ALOXE3: variants seen among roughly 807,000 people sequenced by gnomAD.
The protein encoded by ALOXE3 is arachidonate epidermal lipoxygenase 3.
A neutral mutation model predicts 87.5 loss-of-function variants in ALOXE3; 78 were observed. That is an observed-to-expected ratio of 0.89 (90% CI 0.74 to 1.08). The LOEUF is 1.08. ALOXE3 is among the 50% of genes least tolerant of loss of function. The pLI, the probability that ALOXE3 is intolerant of heterozygous loss-of-function variation, is 0.00. For synonymous variants in ALOXE3, 363 were observed against 370.8 expected, an observed-to-expected ratio of 0.98 and a Z score of 0.24; for missense variants, 946 against 912.4, an observed-to-expected ratio of 1.04 and a Z score of -0.47.
intron 15 of ALOXE3, among the ~76,000 whole-genome samples, chr17:8,102,589 T>C (rs1978994321): frequency 1.3e-5 from 2 of 152,194 alleles, no homozygotes. Flanking sequence ...CTATTTCCAT[T>C]TGTGATCCTA....
chr17:8,110,985 G>A (rs1029205944), intron 8 of ALOXE3, among the ~76,000 whole-genome samples: 2 of 152,194 alleles, frequency 1.3e-5, no homozygotes, highest in Admixed American at 1.3e-4. Flanking sequence ...CTAGTTCTCC[G>A]TGATCTTCCC....
rs373032935 is a variant in ALOXE3, at chr17:8,114,497, T to C, written c.667A>G (p.Asn223Asp). 5.6e-6 allele frequency: 9 copies of C among 1,613,484 alleles called. No individual in the cohort carries two copies. The African/African-American group carries it at 1.2e-4, about 22-fold the overall frequency. Reference sequence around the variant, plus strand: ...CAATGGCCTTACGCAGGGATGGCATTGAAGAGCAGCGAGATCGTCTTGGTG... The same window carrying C: ...CAATGGCCTTACGCAGGGATGGCATCGAAGAGCAGCGAGATCGTCTTGGTG... ...SATKTISLLF[N>D]AIPASLGMKL... The change falls in exon 6 of 16, where the codon AAT becomes GAT. Residue 223 changes from asparagine (N) to aspartate (D), a missense_variant. Physicochemically the swap from Asn to Asp is conservative, Grantham distance 23 (BLOSUM62 1). Transcript: ENST00000448843.
At chr17:8,114,830 G>A (rs780114963) in intron 5 of ALOXE3, 108 bp downstream of exon 5, 17 of 1,535,504 alleles carry the variant, frequency 1.1e-5, no homozygotes, top group Admixed American at 5.0e-5. Flanking sequence ...GAATGAAACT[G>A]CATTGTCATA....
Position 8,115,697 on chromosome 17 carries a change from A to C in ALOXE3, c.353-9T>G. 6.2e-7 allele frequency: 1 copy of C among 1,609,252 alleles called. No individual in the cohort carries two copies. The highest frequency in any genetic ancestry group is 8.5e-7 in the Non-Finnish European group (1 of 1,175,574). On this transcript the variant is annotated splice_polypyrimidine_tract_variant and intron_variant, in intron 3 of 15. Coordinates refer to ENST00000448843, the MANE Select transcript of ALOXE3 (RefSeq NM_021628.3). Reference sequence around the variant, plus strand: ...CTGACAAATAGTTCTTGCTGTGGGGAATGAAAATTACTCTTGGTATAAGTC... The same window carrying C: ...CTGACAAATAGTTCTTGCTGTGGGGCATGAAAATTACTCTTGGTATAAGTC...
chr17:8,105,629 G>GGAAT (rs1979243579), intron 13 of ALOXE3, among the ~76,000 whole-genome samples: 1 of 152,148 alleles, frequency 6.6e-6, no homozygotes, highest in Non-Finnish European at 1.5e-5. Context: ...GTTGAATGAA[G>GGAAT]GAATGCATGA....
intron 6 of ALOXE3, among the ~76,000 whole-genome samples, chr17:8,113,890 T>A (rs1980327320): frequency 6.6e-6 from 1 of 151,712 alleles, no homozygotes; most frequent in African/African-American, 2.4e-5. Context: ...GCCGGCATGG[T>A]GGCACCTGCC....
chr17:8,118,683 T>G (rs1323524911), upstream of ALOXE3: 1 of 1,537,316 alleles, frequency 6.5e-7, no homozygotes. Context: ...CCCCAGCCTT[T>G]GGCACGCCCG....
intron 2 of ALOXE3, among the ~76,000 whole-genome samples, 170 bp downstream of exon 2, chr17:8,117,674 G>C (rs1980717343): frequency 6.6e-6 from 1 of 152,186 alleles, no homozygotes; most frequent in African/African-American, 2.4e-5. Flanking sequence ...AGTCCTGCCT[G>C]GATGGAGTTC....
In ALOXE3 at chr17:8,096,632, T is replaced by G; in HGVS notation, c.2131A>C (p.Ile711Leu). ...DPPLIENSVS[I>L] The stretch of plus-strand genomic sequence containing the variant: ...TGGGTGGTATTTGGGGGTGGTTAGA[T>G]GGAGACGCTGTTCTCAATGAGGGGA... Residue 711 changes from isoleucine to leucine, a missense_variant, in exon 16 of 16, where the codon ATC (isoleucine) becomes CTC (leucine). By Grantham distance (5) the Ile-to-Leu change is conservative. Transcript: ENST00000448843. 7.4e-7 allele frequency: 1 copy of G among 1,348,112 alleles called. No individual in the cohort carries two copies. Among genetic ancestry groups the G allele is most frequent in the Non-Finnish European group, 1.1e-6 (1 of 937,530 alleles). 83.5% of individuals were successfully genotyped at this position (1,348,112 alleles called of 1,614,324 possible). A position where few individuals can be genotyped will look rare whatever the true frequency, so the allele number is the denominator to read the frequency against.
In ALOXE3 at chr17:8,109,937, G is replaced by T. The variant is rs1598208913; in HGVS notation, c.1371C>A (p.Asn457Lys). 1.9e-6 allele frequency: 3 copies of T among 1,550,956 alleles called. No individual in the cohort carries two copies. Among genetic ancestry groups the T allele is most frequent in the Non-Finnish European group, 2.6e-6 (3 of 1,146,756 alleles). Residue 457 changes from asparagine to lysine, a missense_variant, in exon 11 of 16, where the codon AAC (asparagine) becomes AAA (lysine). Coordinates refer to ENST00000448843, the MANE Select transcript of ALOXE3 (RefSeq NM_021628.3). ...VNTIARATLL[N>K]PEGLVDQVTS... ...GCACCTGGTCCACGAGGCCCTCGGG[G>T]TTGAGCAGCGTGGCCCTCGCGATGG...
chr17:8,099,026 T>TC (rs1978751794), intron 15 of ALOXE3, among the ~76,000 whole-genome samples: 1 of 148,354 alleles, frequency 6.7e-6, no homozygotes, highest in Non-Finnish European at 1.5e-5. Flanking sequence ...AGTTTTCTTT[T>TC]TTTTTTTTTT....
At chr17:8,118,618 G>T, upstream of ALOXE3, 1 of 1,535,536 alleles carries the variant, frequency 6.5e-7, no homozygotes, top group South Asian at 1.2e-5. Flanking sequence ...CAAATGGTCA[G>T]GAACAGCTCC....
intron 14 of ALOXE3, 111 bp from the exon 15 acceptor site, chr17:8,103,604 T>C: frequency 8.2e-7 from 1 of 1,218,216 alleles, no homozygotes; most frequent in Non-Finnish European, 1.2e-6. Context: ...AGTTGGGAAA[T>C]GAGGGGATCA....
At chr17:8,109,111 G>T in intron 12 of ALOXE3, 63 bp downstream of exon 12, 1 of 1,601,792 alleles carries the variant, frequency 6.2e-7, no homozygotes, top group South Asian at 1.1e-5. Flanking sequence ...TGAGCGCAGG[G>T]ACCACAATGT....
chr17:8,104,116 T>C lies in ALOXE3; in HGVS notation c.1784A>G (p.Gln595Arg). The C allele has an allele frequency of 6.2e-7, 1 of 1,613,090 alleles. No individual in the cohort carries two copies. The highest frequency in any genetic ancestry group is 8.5e-7 in the Non-Finnish European group (1 of 1,179,502). ...CAGGCCTGCCCTTTGTAGCCTCACC[T>C]GCCCACTGTTGACAGCAGCGTGCTG... ...SAQHAAVNSGQHDFGAWMPNA... is the reference protein window; with the variant it reads ...SAQHAAVNSGRHDFGAWMPNA... The change falls in exon 14 of 16, where the codon CAG (glutamine) becomes CGG (arginine). Residue 595 changes from glutamine to arginine, a missense_variant and splice_region_variant. Transcript: ENST00000448843.
At chr17:8,118,340 A>G in intron 1 of ALOXE3, 37 bp from the exon 2 acceptor site, 1 of 1,551,770 alleles carries the variant, frequency 6.4e-7, no homozygotes, top group South Asian at 1.2e-5. Context: ...GATGGAGAAA[A>G]GGAGGTAACG....
chr17:8,118,896 C>T, upstream of ALOXE3: 1 of 1,472,924 alleles, frequency 6.8e-7, no homozygotes, highest in Non-Finnish European at 8.9e-7. Flanking sequence ...TAGCCCGCAG[C>T]GGCCCCGCGC....
chr17:8,115,870 C>G (rs1168411930), intron 3 of ALOXE3, among the ~76,000 whole-genome samples, 182 bp from the exon 4 acceptor site: 1 of 152,210 alleles, frequency 6.6e-6, no homozygotes, highest in Non-Finnish European at 1.5e-5. Context: ...CAGCTTCACC[C>G]CCAAATTATA....
chr17:8,115,080 G>T, intron 4 of ALOXE3, 23 bp from the exon 5 acceptor site: 2 of 1,614,112 alleles, frequency 1.2e-6, no homozygotes, highest in Non-Finnish European at 1.7e-6. Flanking sequence ...AGAGGTCAGA[G>T]GTGGCAGGTC....
Sources: allele counts gnomAD v4.1 joint callset (sites outside exome capture counted in the v4.1 genomes callset), GRCh38; gene constraint gnomAD v4.1.1; transcripts MANE v1.5; gene names NCBI Gene and HGNC (gene_info 2026-07-23, HGNC 2026-07-21).